AKT3: variants seen among roughly 807,000 people sequenced by gnomAD.
The protein encoded by AKT3 is RAC-gamma serine/threonine-protein kinase.
A neutral mutation model predicts 65.3 loss-of-function variants in AKT3; 15 were observed. The ratio of observed to expected loss-of-function variants is 0.23; its 90% CI spans 0.15 to 0.35. The LOEUF is 0.35. AKT3 is among the 10% of genes least tolerant of loss of function. AKT3 has a pLI of 1.00. For missense variants in AKT3, 243 were observed against 576.5 expected (o/e 0.42, Z 5.92); for synonymous variants, 206 against 183.8 (o/e 1.12, Z -0.98).
intron 4 of AKT3, among the ~76,000 whole-genome samples, chr1:243,655,222 AGC>A (rs1681676426): frequency 6.6e-6 from 1 of 152,126 alleles, no homozygotes; most frequent in African/African-American, 2.4e-5. Context: ...TTGCTATTAA[AGC>A]CATCTGCTAG....
chr1:243,807,686 T>A (rs1229927884), intron 2 of AKT3, among the ~76,000 whole-genome samples: 1 of 152,218 alleles, frequency 6.6e-6, no homozygotes, highest in African/African-American at 2.4e-5. Flanking sequence ...AAGACAGTAG[T>A]GGTTCTCCCA....
intron 6 of AKT3, among the ~76,000 whole-genome samples, chr1:243,632,491 A>G (rs1679680969): frequency 6.6e-6 from 1 of 152,204 alleles, no homozygotes; most frequent in South Asian, 2.1e-4. Context: ...TGCTTTACTG[A>G]TAAGAGAACA....
chr1:243,508,681 T>TC (rs386370261), intron 13 of AKT3, among the ~76,000 whole-genome samples: 6 of 130,066 alleles, frequency 4.6e-5, no homozygotes, highest in African/African-American at 1.6e-4. Context: ...TTTTTTTTTT[T>TC]AAAAGACAGA....
chr1:243,502,930 G>A lies in AKT3; in HGVS notation c.*2319C>T, dbSNP rs897712672. 2 of 233,180 alleles carry A rather than the reference G, an allele frequency of 8.6e-6. No individual in the cohort carries two copies. The highest frequency in any genetic ancestry group is 5.6e-5 in the Admixed American group (1 of 17,784). The allele number at this position is 233,180 out of a possible 1,614,324, so 14.4% of individuals were successfully genotyped here. A position where few individuals can be genotyped will look rare whatever the true frequency, so the allele number is the denominator to read the frequency against. On this transcript the variant is annotated 3_prime_UTR_variant, in exon 14 of 14. Transcript: ENST00000673466. ...CAAAAAGCTGTGTGCTTAGTGTTCG[G>A]TGTCATGCTTTCCCTCTAGAGGAGT...
intron 2 of AKT3, among the ~76,000 whole-genome samples, chr1:243,834,036 C>A (rs1037967231): frequency 6.6e-6 from 1 of 151,914 alleles, no homozygotes; most frequent in Admixed American, 6.6e-5. Context: ...TTAAATTGTA[C>A]AGGATTCTAA....
intron 2 of AKT3, among the ~76,000 whole-genome samples, chr1:243,842,898 A>G (rs1324179702): frequency 6.6e-6 from 1 of 152,206 alleles, no homozygotes; most frequent in African/African-American, 2.4e-5. Flanking sequence ...AACATACCAG[A>G]AAGTCAAACC....
At chr1:243,747,446 T>A (rs1336663720) in intron 2 of AKT3, among the ~76,000 whole-genome samples, 2 of 152,182 alleles carry the variant, frequency 1.3e-5, no homozygotes, top group Non-Finnish European at 2.9e-5. Flanking sequence ...AATGACTGCT[T>A]CAACAAAATT....
intron 2 of AKT3, among the ~76,000 whole-genome samples, chr1:243,696,763 T>C (rs1247616438): frequency 6.6e-6 from 1 of 151,974 alleles, no homozygotes; most frequent in Non-Finnish European, 1.5e-5. Context: ...AACTGAACCC[T>C]TAATACGTTA....
chr1:243,575,310 A>G (rs2148512591), intron 8 of AKT3, among the ~76,000 whole-genome samples: 2 of 152,268 alleles, frequency 1.3e-5, no homozygotes, highest in East Asian at 3.9e-4. Flanking sequence ...TCAATTCAGC[A>G]TTCATTTAGT....
At chr1:243,517,903 C>G (rs1190353724) in intron 12 of AKT3, among the ~76,000 whole-genome samples, 3 of 152,240 alleles carry the variant, frequency 2.0e-5, no homozygotes, top group Non-Finnish European at 2.9e-5. Flanking sequence ...ACTCCTAAAA[C>G]AGTCCTTGCC....
chr1:243,667,803 T>G (rs1400869352), intron 3 of AKT3, among the ~76,000 whole-genome samples: 1 of 152,162 alleles, frequency 6.6e-6, no homozygotes, highest in Non-Finnish European at 1.5e-5. Flanking sequence ...GTTTCTGACC[T>G]ACTTCCTTAG....
rs532298562 is a variant in AKT3, at chr1:243,739,324, T to C, written c.47-43608A>G. On this transcript the variant is annotated intron_variant, in intron 2 of 13. Transcript: ENST00000673466. ...ATATTTTACATTCTTGTTTTTTATA[T>C]CTTGAACTCAAAATCCAGTGTGAAT... Among the ~76,000 whole-genome samples, 21 of 152,314 alleles carry C rather than the reference T, an allele frequency of 1.4e-4. 1 individual carries two copies. The South Asian group carries it at 4.4e-3, about 32-fold the overall frequency.
At chr1:243,720,367 CAT>C (rs1292116027) in intron 2 of AKT3, among the ~76,000 whole-genome samples, 2 of 133,944 alleles carry the variant, frequency 1.5e-5, no homozygotes. Context: ...TTTCATGTTA[CAT>C]ATATTTTTGC....
At chr1:243,557,601 C>A (rs1416262421) in intron 10 of AKT3, among the ~76,000 whole-genome samples, 2 of 152,014 alleles carry the variant, frequency 1.3e-5, no homozygotes, top group East Asian at 1.9e-4. Context: ...CCCAGAAAAT[C>A]ATATAAAATA....
At chr1:243,488,930 G>A in intron 13 of AKT3, 1 of 1,603,028 alleles carries the variant, frequency 6.2e-7, no homozygotes, top group Non-Finnish European at 8.5e-7. Flanking sequence ...CCTATCAGGG[G>A]CTTCCCTCAG....
chr1:243,609,226 A>G (rs1234282283), intron 8 of AKT3, among the ~76,000 whole-genome samples: 1 of 151,850 alleles, frequency 6.6e-6, no homozygotes, highest in Admixed American at 6.6e-5. Context: ...GAACTAAATA[A>G]CTATTTTAAA....
chr1:243,706,625 TA>T (rs1330656244), intron 2 of AKT3, among the ~76,000 whole-genome samples: 2 of 152,202 alleles, frequency 1.3e-5, no homozygotes, highest in African/African-American at 4.8e-5. Context: ...ATGCCCTTCA[TA>T]ACTCCTCTCT....
At chr1:243,850,552 G>A (rs1043421358), upstream of AKT3, among the ~76,000 whole-genome samples, 3 of 143,596 alleles carry the variant, frequency 2.1e-5, no homozygotes, top group African/African-American at 7.6e-5. Context: ...CCGCCTCCCC[G>A]CCCCCTCCTT....
intron 2 of AKT3, among the ~76,000 whole-genome samples, chr1:243,811,200 AG>A (rs1693123169): frequency 6.6e-6 from 1 of 152,190 alleles, no homozygotes; most frequent in South Asian, 2.1e-4. Flanking sequence ...AAAGAAATAA[AG>A]GGTATTCAGT....
Sources: allele counts gnomAD v4.1 joint callset (sites outside exome capture counted in the v4.1 genomes callset), GRCh38; gene constraint gnomAD v4.1.1; transcripts MANE v1.5; gene names NCBI Gene and HGNC (gene_info 2026-07-23, HGNC 2026-07-21).